The following ICA1 variants were observed in gnomAD, a reference collection of about 807,000 sequenced individuals.
ICA1 encodes the protein islet cell autoantigen 1.
A neutral mutation model predicts 71.0 loss-of-function variants in ICA1; 40 were observed. The ratio of observed to expected loss-of-function variants is 0.56; its 90% confidence interval spans 0.44 to 0.73. The LOEUF is 0.73. Ranked by LOEUF, ICA1 falls within the 30% of genes least tolerant of loss-of-function variation. The probability of loss-of-function intolerance (pLI) is 0.00; values close to 1 mark genes in which losing one functional copy is unlikely to be tolerated. For missense variants in ICA1, 578 were observed against 576.5 expected (o/e 1.00, Z -0.03); for synonymous variants, 207 against 209.5 (o/e 0.99, Z 0.10).
chr7:8,253,515 G>A (rs911493246), intron 1 of ICA1, among the ~76,000 whole-genome samples: 1 of 152,044 alleles, frequency 6.6e-6, no homozygotes, highest in African/African-American at 2.4e-5. Flanking sequence ...AATATATATA[G>A]CTGACCCTTA....
In ICA1 at chr7:8,144,323, C is replaced by T. The variant is rs777425885; in HGVS notation, c.805-351G>A. Among the ~76,000 whole-genome samples the T allele has an allele frequency of 6.6e-6, 1 of 152,186 alleles. No individual in the cohort carries two copies. The highest frequency in any genetic ancestry group is 1.5e-5 in the Non-Finnish European group (1 of 68,024). On this transcript the variant is annotated intron_variant, in intron 8 of 13. Transcript: ENST00000402384. The surrounding 1 kb of genome is among the most constrained non-coding windows in gnomAD (Gnocchi z 4.5). ...AACTTCAACATGTAGTTAAGATAAA[C>T]ATTCTGTTCTGTTCGCAGCCCACAC...
At chr7:8,199,889 G>C (rs1402187628) in intron 6 of ICA1, among the ~76,000 whole-genome samples, 3 of 152,172 alleles carry the variant, frequency 2.0e-5, no homozygotes. Flanking sequence ...ACAGAGAGTA[G>C]GATGGTTACC....
At chr7:8,125,893 C>T (rs1261967773) in intron 13 of ICA1, among the ~76,000 whole-genome samples, 1 of 152,212 alleles carries the variant, frequency 6.6e-6, no homozygotes, top group Non-Finnish European at 1.5e-5. Context: ...TCCCAGAACA[C>T]CTCCCTCCTT....
rs567986780 is a variant in ICA1 at position 8,173,117 on chromosome 7, G to A, written c.580-14465C>T. Among the ~76,000 whole-genome samples, 267 of 152,168 alleles carry A rather than the reference G, an allele frequency of 1.8e-3. 1 individual carries two copies. The highest frequency in any genetic ancestry group is 5.9e-3 in the African/African-American group (244 of 41,500). On this transcript the variant is annotated intron_variant, in intron 6 of 13. Transcript: ENST00000402384. This position sits in a 1 kb window ranked among gnomAD's most constrained non-coding sequence, Gnocchi z 4.0. ...TTCACTGTAAAGGTCTACAAGTAACGGCTAACTTAGAAGCAATGAGGTCAC... is the reference window on the plus strand; with the variant it reads ...TTCACTGTAAAGGTCTACAAGTAACAGCTAACTTAGAAGCAATGAGGTCAC...
chr7:8,171,332 G>T (rs1033131223), intron 6 of ICA1, among the ~76,000 whole-genome samples: 2 of 151,826 alleles, frequency 1.3e-5, no homozygotes, highest in African/African-American at 4.8e-5. Flanking sequence ...TAGATATAGG[G>T]CTACCATGTT....
intron 12 of ICA1, among the ~76,000 whole-genome samples, chr7:8,138,019 G>A (rs904790707): frequency 4.6e-5 from 7 of 152,300 alleles, no homozygotes; most frequent in African/African-American, 1.7e-4. Flanking sequence ...CAGGGCATGG[G>A]ATGCTCTGGA....
At chr7:8,235,708 T>C in intron 2 of ICA1, among the ~76,000 whole-genome samples, 1 of 152,192 alleles carries the variant, frequency 6.6e-6, no homozygotes, top group East Asian at 1.9e-4. Flanking sequence ...GAATGCACAT[T>C]AGGTAAGAAT....
At chr7:8,174,407 C>A (rs997341779) in intron 6 of ICA1, among the ~76,000 whole-genome samples, 1 of 151,968 alleles carries the variant, frequency 6.6e-6, no homozygotes, top group Non-Finnish European at 1.5e-5. Flanking sequence ...GCTTTTATAA[C>A]GAACCTAGTG....
At chr7:8,201,549 G>A (rs1789691398) in intron 6 of ICA1, among the ~76,000 whole-genome samples, 1 of 152,190 alleles carries the variant, frequency 6.6e-6, no homozygotes, top group African/African-American at 2.4e-5. Context: ...GCCTGTTTGG[G>A]AGTCTGCAAG....
chr7:8,160,044 CATT>C (rs1803175219), intron 6 of ICA1, among the ~76,000 whole-genome samples: 1 of 152,108 alleles, frequency 6.6e-6, no homozygotes, highest in African/African-American at 2.4e-5. Context: ...CGTTGTTCAT[CATT>C]ATATTGCCTA....
intron 13 of ICA1, among the ~76,000 whole-genome samples, chr7:8,119,180 C>T (rs765763263): frequency 7.2e-5 from 11 of 152,148 alleles, no homozygotes; most frequent in Admixed American, 6.5e-5. Flanking sequence ...TTATGCTCTT[C>T]GATCCTATGG....
chr7:8,165,380 G>T (rs746908365), intron 6 of ICA1, among the ~76,000 whole-genome samples: 1 of 152,174 alleles, frequency 6.6e-6, no homozygotes, highest in Non-Finnish European at 1.5e-5. Flanking sequence ...TAGACTTCAG[G>T]ATCTATTTTT....
chr7:8,137,589 CA>C (rs1360450421), intron 12 of ICA1, among the ~76,000 whole-genome samples: 2 of 152,118 alleles, frequency 1.3e-5, no homozygotes, highest in African/African-American at 4.8e-5. Flanking sequence ...AAATGGACAC[CA>C]TGTATGGCAA....
chr7:8,232,281 T>C lies in ICA1; in HGVS notation c.183+309A>G, dbSNP rs539914661. Among the ~76,000 whole-genome samples the C allele has an allele frequency of 2.0e-5, 3 of 152,368 alleles. No homozygotes were observed. The East Asian group carries it at 5.8e-4, about 29-fold the overall frequency. On this transcript the variant is annotated intron_variant, in intron 3 of 13. Transcript: ENST00000402384. ...TTGCCAGATTCTAGTGTTCTAAATC[T>C]GACTCCTCAGCTCTGACCAGCAAGC...
rs1288697234 is a variant in ICA1, at chr7:8,254,738, G to C, written c.-80+7356C>G. On this transcript the variant is annotated intron_variant, in intron 1 of 13. Transcript: ENST00000402384. ...TTCCAGGTTAGGAGTGCAGAGAAGA[G>C]AGAAACAGGAAGCAGAAAGTGGGGA... 2.0e-5 allele frequency among the ~76,000 whole-genome samples: 3 copies of C among 151,992 alleles called. No individual in the cohort carries two copies. The East Asian group carries it at 5.8e-4, about 29-fold the overall frequency.
chr7:8,183,205 C>A (rs561159072), intron 6 of ICA1, among the ~76,000 whole-genome samples: 1 of 152,282 alleles, frequency 6.6e-6, no homozygotes, highest in South Asian at 2.1e-4. Flanking sequence ...GACACCTAAA[C>A]CTACCTGACA....
At chr7:8,161,316 G>A (rs1803714494) in intron 6 of ICA1, among the ~76,000 whole-genome samples, 1 of 152,098 alleles carries the variant, frequency 6.6e-6, no homozygotes, top group Non-Finnish European at 1.5e-5. Context: ...TAAAAACATA[G>A]AACTAAGAGG....
At chr7:8,262,219 C>T (rs1812796093), upstream of ICA1, 1 of 152,096 alleles carries the variant, frequency 6.6e-6, no homozygotes, top group South Asian at 2.1e-4. Context: ...ACCGGCCCTT[C>T]CTGCGGCGGC....
rs143071259 is a variant in ICA1 at position 8,238,097 on chromosome 7, T to C, written c.-79-2092A>G. Among the ~76,000 whole-genome samples the C allele has an allele frequency of 3.6e-4, 55 of 152,320 alleles. No homozygotes were observed. In the East Asian group the frequency reaches 0.011, roughly 29 times the overall value. On this transcript the variant is annotated intron_variant, in intron 1 of 13. Coordinates refer to ENST00000402384, the MANE Select transcript of ICA1 (RefSeq NM_001136020.3). The stretch of plus-strand genomic sequence containing the variant: ...AGTTGCAGTTTCCAAGAACTATCAA[T>C]GACATTAAATGAGGTCTTAATGTAT...
Sources: allele counts gnomAD v4.1 joint callset (sites outside exome capture counted in the v4.1 genomes callset), GRCh38; gene constraint gnomAD v4.1.1; non-coding constraint Gnocchi (gnomAD v3.1); transcripts MANE v1.5; gene names NCBI Gene and HGNC (gene_info 2026-07-23, HGNC 2026-07-21).